Variants in C2CD3 observed in about 807,000 individuals in gnomAD.
C2CD3 encodes the protein C2 domain containing 3 centriole elongation regulator, also known as C2 domain-containing protein 3.
A neutral mutation model predicts 234.0 loss-of-function variants in C2CD3; 148 were observed. The ratio of observed to expected loss-of-function variants is 0.63; its 90% confidence interval spans 0.55 to 0.72. The LOEUF (loss-of-function observed/expected upper bound fraction) is 0.72, where lower values mean the gene tolerates loss of function less well. C2CD3 is among the 30% of genes least tolerant of loss of function. C2CD3 has a pLI of 0.00. For missense variants in C2CD3, 2,577 were observed against 2,811.5 expected (o/e 0.92, Z 1.89); for synonymous variants, 1,000 against 1,035.4 (o/e 0.97, Z 0.66).
At chr11:74,078,828 A>T (rs1955194994) in intron 22 of C2CD3, 111 bp from the exon 23 acceptor site, 1 of 968,414 alleles carries the variant, frequency 1.0e-6, no homozygotes, top group South Asian at 1.8e-5. Context: ...GACAGAACAG[A>T]AAACATACCC....
chr11:74,161,354 C>T (rs1856453939), intron 3 of C2CD3, 45 bp downstream of exon 3: 1 of 1,296,528 alleles, frequency 7.7e-7, no homozygotes, highest in Non-Finnish European at 1.1e-6. Context: ...TATTTCTGCC[C>T]AAAAAGTTTA....
At chr11:74,154,353 C>T (rs1855870898) in intron 3 of C2CD3, among the ~76,000 whole-genome samples, 1 of 152,006 alleles carries the variant, frequency 6.6e-6, no homozygotes, top group Non-Finnish European at 1.5e-5. Context: ...AGTATATATT[C>T]AGGGCAACTT....
Position 74,139,653 on chromosome 11 carries a change from A to G in C2CD3, c.659T>C (p.Ile220Thr), listed in dbSNP as rs1427821080. 2 of 1,613,826 alleles carry G rather than the reference A, an allele frequency of 1.2e-6. No individual in the cohort carries two copies. The highest frequency in any genetic ancestry group is 1.7e-5 in the Admixed American group (1 of 59,982). ...GTTGGCTGCTAACTCTTTTCCATCA[A>G]TTTTGATGGTATGTATGTCGCGAGG... ...SRPRDIHTIK[I>T]DGKELAANSS... The change falls in exon 4 of 33, where the codon ATT (isoleucine) becomes ACT (threonine). Residue 220 changes from isoleucine to threonine, a missense_variant. Physicochemically the swap from Ile to Thr is moderately conservative, Grantham distance 89 (BLOSUM62 -1). Coordinates refer to ENST00000334126, the MANE Select transcript of C2CD3 (RefSeq NM_001286577.2).
chr11:74,098,287 A>C, intron 15 of C2CD3, 32 bp from the exon 16 acceptor site: 2 of 1,604,870 alleles, frequency 1.2e-6, no homozygotes, highest in Non-Finnish European at 1.7e-6. Context: ...ATAAGCAAAT[A>C]ACAAGCATCA....
chr11:74,129,973 CTG>C (rs1957588777), intron 7 of C2CD3: 1 of 14,642 alleles, frequency 6.8e-5, no homozygotes, highest in Non-Finnish European at 1.1e-4. Flanking sequence ...ACTCGGCAGG[CTG>C]AGGCAGGAGA....
chr11:74,091,205 T>C, intron 19 of C2CD3: 1 of 303,890 alleles, frequency 3.3e-6, no homozygotes, highest in Non-Finnish European at 6.1e-6. Context: ...AGGCAGAACT[T>C]AACTCCAGAT....
intron 3 of C2CD3, among the ~76,000 whole-genome samples, chr11:74,154,119 G>T (rs550541999): frequency 4.1e-4 from 63 of 152,072 alleles, no homozygotes; most frequent in Middle Eastern, 6.8e-3. Context: ...AAATATTAGG[G>T]GAAAACAGTG....
At chr11:74,131,866 C>T (rs891446527) in intron 7 of C2CD3, among the ~76,000 whole-genome samples, 2 of 152,136 alleles carry the variant, frequency 1.3e-5, no homozygotes, top group Non-Finnish European at 2.9e-5. Context: ...GCTTTTGGAG[C>T]CTTTGAAACA....
At position 74,078,267 on chromosome 11, in the gene C2CD3, T is replaced by G. The variant is rs776160943; in HGVS notation, c.4451A>C (p.Tyr1484Ser). The change falls in exon 23 of 33, where the codon TAC (tyrosine) becomes TCC (serine). Residue 1484 changes from tyrosine (Y) to serine (S), a missense_variant. By Grantham distance (144) the Tyr-to-Ser change is moderately radical (BLOSUM62 -2). Coordinates refer to ENST00000334126, the MANE Select transcript of C2CD3 (RefSeq NM_001286577.2). ...GATCTCTAGCCTCTCCTCCCTGAAG[T>G]ACCAAAGCAGTGATGGGCCCCTGGT... ...EVTRGPSLLWYFREERLEIQV... is the reference protein window; with the variant it reads ...EVTRGPSLLWSFREERLEIQV... 1.2e-6 allele frequency: 2 copies of G among 1,614,156 alleles called. No individual in the cohort carries two copies. Among genetic ancestry groups the G allele is most frequent in the Non-Finnish European group, 1.7e-6 (2 of 1,180,024 alleles).
rs58806804 is a variant in C2CD3, at chr11:74,153,210, A to AAAAACAAAACAAAAC, written c.483+8174_483+8188dup. The stretch of plus-strand genomic sequence containing the variant: ...GTGACAGAGTGAGACTCTGTCTCTT[A>AAAAACAAAACAAAAC]AAAACAAAACAAAACAAAACAAAAC... On this transcript the variant is annotated intron_variant, in intron 3 of 32. Transcript: ENST00000334126. Among the ~76,000 whole-genome samples, 1,146 of 148,138 alleles carry AAAAACAAAACAAAAC rather than the reference A, an allele frequency of 7.7e-3. 6 individuals carry two copies. The highest frequency in any genetic ancestry group is 0.024 in the Middle Eastern group (7 of 290).
At chr11:74,014,276 G>A (rs1182363182) in intron 32 of C2CD3, among the ~76,000 whole-genome samples, 1 of 152,224 alleles carries the variant, frequency 6.6e-6, no homozygotes, top group East Asian at 1.9e-4. Context: ...AGAAGTGGGG[G>A]CCTGATAGGG....
intron 9 of C2CD3, among the ~76,000 whole-genome samples, chr11:74,117,187 TATATATATATGA>T (rs1957045780): frequency 2.0e-4 from 3 of 15,242 alleles, no homozygotes; most frequent in African/African-American, 1.1e-3. Context: ...TATATATGAA[TATATATATATGA>T]ATATATATAT....
At chr11:74,062,095 C>T (rs1236466645) in intron 24 of C2CD3, among the ~76,000 whole-genome samples, 4 of 152,068 alleles carry the variant, frequency 2.6e-5, no homozygotes, top group African/African-American at 7.2e-5. Context: ...ATATATGCAC[C>T]CAATACAGGA....
At chr11:74,114,313 ATTG>A in intron 10 of C2CD3, 68 bp downstream of exon 10, 1 of 988,604 alleles carries the variant, frequency 1.0e-6, no homozygotes, top group South Asian at 1.4e-5. Flanking sequence ...GTATTATGCA[ATTG>A]TTGATTATTA....
rs574956506 is a variant in C2CD3, at chr11:74,163,420, TC to T, written c.326-1865del. Among the ~76,000 whole-genome samples, 5 of 152,320 alleles carry T rather than the reference TC, an allele frequency of 3.3e-5. No individual in the cohort carries two copies. In the South Asian group the frequency reaches 1.0e-3, roughly 32 times the overall value. The stretch of plus-strand genomic sequence containing the variant: ...AACAACTTGATATGGTTTGGCTGTG[TC>T]CCCATCCAAATCTCATCTTGAATTG... On this transcript the variant is annotated intron_variant, in intron 2 of 32. Coordinates refer to ENST00000334126, the MANE Select transcript of C2CD3 (RefSeq NM_001286577.2).
intron 1 of C2CD3, 129 bp from the exon 2 acceptor site, chr11:74,168,742 G>A (rs1856965996): frequency 2.5e-5 from 20 of 809,400 alleles, no homozygotes; most frequent in Middle Eastern, 3.7e-4. Context: ...CACTTAGAAA[G>A]AAGGTTTATC....
intron 22 of C2CD3, among the ~76,000 whole-genome samples, chr11:74,082,272 C>T (rs989681922): frequency 1.3e-5 from 2 of 151,992 alleles, no homozygotes; most frequent in African/African-American, 2.4e-5. Context: ...CCTGCTACCA[C>T]GCCCAGCTAA....
chr11:74,138,387 C>T (rs966074122), intron 5 of C2CD3, among the ~76,000 whole-genome samples: 7 of 152,118 alleles, frequency 4.6e-5, no homozygotes, highest in African/African-American at 7.2e-5. Flanking sequence ...ATGCTGATCA[C>T]GAGACAAAAA....
intron 3 of C2CD3, among the ~76,000 whole-genome samples, chr11:74,147,881 A>G (rs1565345670): frequency 1.3e-5 from 2 of 152,224 alleles, no homozygotes; most frequent in Non-Finnish European, 2.9e-5. Context: ...TGATAACCCA[A>G]AAAGATTTTT....
Sources: allele counts gnomAD v4.1 joint callset (sites outside exome capture counted in the v4.1 genomes callset), GRCh38; gene constraint gnomAD v4.1.1; transcripts MANE v1.5; gene names NCBI Gene and HGNC (gene_info 2026-07-23, HGNC 2026-07-21).